The following MALRD1 variants were observed in gnomAD, a reference collection of about 807,000 sequenced individuals.
MALRD1 encodes MAM and LDL-receptor class A domain-containing protein 1.
Under a neutral mutation model 242.1 loss-of-function variants are expected in MALRD1, and 247 were observed. That is an observed-to-expected ratio of 1.02 (90% confidence interval 0.92 to 1.13). MALRD1 has a LOEUF of 1.13. Ranked by LOEUF, MALRD1 falls within the 50% of genes most tolerant of loss-of-function variation. MALRD1 has a pLI of 0.00. For synonymous variants in MALRD1, 995 were observed against 866.6 expected (o/e 1.15, Z -2.60); for missense variants, 2,989 against 2,533.1 (o/e 1.18, Z -3.86).
At chr10:19,103,558 A>AAAT (rs1588548409) in intron 4 of MALRD1, among the ~76,000 whole-genome samples, 2 of 149,144 alleles carry the variant, frequency 1.3e-5, no homozygotes, top group Non-Finnish European at 3.0e-5. Flanking sequence ...TCTCAAAAAA[A>AAAT]AAAAAAATAA....
chr10:19,651,413 G>A (rs1302657651), intron 36 of MALRD1, among the ~76,000 whole-genome samples: 1 of 152,036 alleles, frequency 6.6e-6, no homozygotes, highest in African/African-American at 2.4e-5. Flanking sequence ...ATGATTTAAG[G>A]TAGGCCAATG....
intron 33 of MALRD1, among the ~76,000 whole-genome samples, chr10:19,583,575 C>T (rs1246199812): frequency 1.3e-5 from 2 of 151,788 alleles, no homozygotes; most frequent in African/African-American, 4.8e-5. Context: ...GGATGAAGCC[C>T]ACTTGATCAT....
At chr10:19,343,374 C>T (rs898964955) in intron 24 of MALRD1, among the ~76,000 whole-genome samples, 4 of 152,014 alleles carry the variant, frequency 2.6e-5, no homozygotes, top group Non-Finnish European at 5.9e-5. Flanking sequence ...CTAATATTGT[C>T]TCAATGTTTG....
intron 29 of MALRD1, among the ~76,000 whole-genome samples, chr10:19,461,750 A>G (rs1319019728): frequency 6.6e-6 from 1 of 152,064 alleles, no homozygotes; most frequent in Non-Finnish European, 1.5e-5. Context: ...AAGCCGAGGC[A>G]AGAAGATCAC....
At chr10:19,559,574 AC>A (rs1367110775) in intron 32 of MALRD1, among the ~76,000 whole-genome samples, 18 of 152,114 alleles carry the variant, frequency 1.2e-4, no homozygotes, top group African/African-American at 4.3e-4. Flanking sequence ...GTGTGAATCC[AC>A]CTGGTCAAAG....
intron 5 of MALRD1, among the ~76,000 whole-genome samples, chr10:19,107,565 C>CTTTT (rs201379420): frequency 7.6e-6 from 1 of 132,302 alleles, no homozygotes; most frequent in Non-Finnish European, 1.7e-5. Flanking sequence ...ATAATTTGGT[C>CTTTT]TTTTTTTTTT....
At chr10:19,665,465 T>A (rs1841636865) in intron 36 of MALRD1, among the ~76,000 whole-genome samples, 1 of 152,128 alleles carries the variant, frequency 6.6e-6, no homozygotes, top group South Asian at 2.1e-4. Context: ...GAATTTATGT[T>A]CTGTTTTCAG....
intron 31 of MALRD1, among the ~76,000 whole-genome samples, chr10:19,515,228 G>A (rs970660966): frequency 2.0e-5 from 3 of 152,186 alleles, no homozygotes; most frequent in Admixed American, 6.5e-5. Context: ...TTAGTTACAT[G>A]TATGAATTCA....
chr10:19,487,746 T>C (rs564986246), intron 29 of MALRD1, among the ~76,000 whole-genome samples: 2 of 152,360 alleles, frequency 1.3e-5, no homozygotes, highest in South Asian at 4.1e-4. Flanking sequence ...GTTCCTAAAC[T>C]ACTTGGTAAA....
chr10:19,669,102 G>T (rs138228086), intron 36 of MALRD1, among the ~76,000 whole-genome samples: 8 of 152,204 alleles, frequency 5.3e-5, no homozygotes, highest in Non-Finnish European at 7.3e-5. Flanking sequence ...AAGAATCACC[G>T]GAAGCTGGAA....
intron 26 of MALRD1, among the ~76,000 whole-genome samples, chr10:19,380,381 G>T (rs1483836700): frequency 2.0e-5 from 3 of 149,776 alleles, no homozygotes; most frequent in African/African-American, 7.4e-5. Flanking sequence ...TCTCTATTCT[G>T]ATGGAATTCC....
At chr10:19,709,886 T>C (rs1271679406) in intron 38 of MALRD1, among the ~76,000 whole-genome samples, 1 of 152,202 alleles carries the variant, frequency 6.6e-6, no homozygotes, top group Non-Finnish European at 1.5e-5. Context: ...TTGTTGTAAT[T>C]GTATTTGCTG....
chr10:19,666,218 C>G (rs1329251465), intron 36 of MALRD1, among the ~76,000 whole-genome samples: 1 of 152,146 alleles, frequency 6.6e-6, no homozygotes, highest in African/African-American at 2.4e-5. Flanking sequence ...TGTAATCATT[C>G]TTAGTCACCT....
intron 38 of MALRD1, among the ~76,000 whole-genome samples, chr10:19,692,919 C>A (rs1326077919): frequency 7.0e-6 from 1 of 143,158 alleles, no homozygotes; most frequent in Non-Finnish European, 1.5e-5. Context: ...GCTGGTTCAA[C>A]ATACACAAAT....
chr10:19,474,117 A>AC (rs1836620310), intron 29 of MALRD1, among the ~76,000 whole-genome samples: 1 of 37,804 alleles, frequency 2.6e-5, no homozygotes, highest in African/African-American at 1.5e-4. Flanking sequence ...CTTATTGGAC[A>AC]TTTGTGTATG....
At chr10:19,287,486 A>T (rs1262876789) in intron 21 of MALRD1, among the ~76,000 whole-genome samples, 1 of 152,112 alleles carries the variant, frequency 6.6e-6, no homozygotes, top group Non-Finnish European at 1.5e-5. Context: ...TGAGCTAGAT[A>T]TTGCATGATG....
intron 36 of MALRD1, among the ~76,000 whole-genome samples, chr10:19,673,925 G>A (rs536215332): frequency 6.6e-6 from 1 of 152,078 alleles, no homozygotes; most frequent in Admixed American, 6.5e-5. Context: ...GTGCATGTAT[G>A]TATCTGGGTG....
chr10:19,614,381 C>T (rs778411452), intron 35 of MALRD1, among the ~76,000 whole-genome samples: 9 of 151,694 alleles, frequency 5.9e-5, no homozygotes, highest in Non-Finnish European at 1.2e-4. Flanking sequence ...TAAATTTGTT[C>T]GATTAAAATT....
intron 28 of MALRD1, among the ~76,000 whole-genome samples, chr10:19,429,621 T>A (rs1834042179): frequency 6.6e-6 from 1 of 152,094 alleles, no homozygotes; most frequent in South Asian, 2.1e-4. Context: ...TGTGTCCAGT[T>A]GCTGCTAAGC....
Sources: allele counts gnomAD v4.1 joint callset (sites outside exome capture counted in the v4.1 genomes callset), GRCh38; gene constraint gnomAD v4.1.1; transcripts MANE v1.5; gene names NCBI Gene and HGNC (gene_info 2026-07-23, HGNC 2026-07-21).